The following PJA2 variants were observed in gnomAD, a reference collection of about 807,000 sequenced individuals.
PJA2 encodes the protein praja ring finger ubiquitin ligase 2.
A neutral mutation model predicts 69.3 loss-of-function variants in PJA2; 25 were observed. The observed-to-expected ratio is 0.36, with a 90% CI of 0.26 to 0.50. PJA2 has a LOEUF of 0.50. PJA2 is among the 20% of genes least tolerant of loss of function. The probability of loss-of-function intolerance (pLI) is 0.96; values close to 1 mark genes in which losing one functional copy is unlikely to be tolerated. For missense variants in PJA2, 809 were observed against 830.2 expected, an observed-to-expected ratio of 0.97 and a Z score of 0.31; for synonymous variants, 308 against 277.8, an observed-to-expected ratio of 1.11 and a Z score of -1.08.
chr5:109,383,204 T>C (rs1368212625), intron 2 of PJA2, among the ~76,000 whole-genome samples, 199 bp downstream of exon 2: 1 of 152,100 alleles, frequency 6.6e-6, no homozygotes, highest in East Asian at 1.9e-4. Context: ...GCTAAATGGG[T>C]ATGGAAAGAA....
chr5:109,395,047 C>T (rs1161088704), intron 1 of PJA2, among the ~76,000 whole-genome samples: 1 of 152,108 alleles, frequency 6.6e-6, no homozygotes, highest in Non-Finnish European at 1.5e-5. Context: ...ATTGTTAAGT[C>T]TTAGGGAGCA....
chr5:109,367,143 A>AAAAAAT (rs1252162401), intron 5 of PJA2, among the ~76,000 whole-genome samples: 6 of 143,202 alleles, frequency 4.2e-5, no homozygotes, highest in South Asian at 4.3e-4. Flanking sequence ...CAAAAAAAAA[A>AAAAAAT]ATATATATAT....
chr5:109,354,078 GATTA>G (rs1762344576), intron 7 of PJA2, among the ~76,000 whole-genome samples: 3 of 123,100 alleles, frequency 2.4e-5, no homozygotes, highest in Non-Finnish European at 5.1e-5. Flanking sequence ...GATATCTATA[GATTA>G]GATATCTATA....
At chr5:109,346,768 G>C (rs973886273) in intron 7 of PJA2, among the ~76,000 whole-genome samples, 1 of 152,100 alleles carries the variant, frequency 6.6e-6, no homozygotes, top group African/African-American at 2.4e-5. Context: ...GGAAAATGGG[G>C]AGTTACTGTT....
At chr5:109,354,477 ATAGATTAGATAT>A (rs1762369022) in intron 7 of PJA2, among the ~76,000 whole-genome samples, 1 of 90,692 alleles carries the variant, frequency 1.1e-5, no homozygotes. Flanking sequence ...AGAGATATCT[ATAGATTAGATAT>A]CTATAATATC....
intron 1 of PJA2, among the ~76,000 whole-genome samples, chr5:109,388,115 G>T (rs1747199841): frequency 6.6e-6 from 1 of 152,108 alleles, no homozygotes; most frequent in Admixed American, 6.6e-5. Context: ...TGCAAGAATA[G>T]GGTAATAAAA....
At chr5:109,345,432 G>A (rs369816170) in intron 7 of PJA2, among the ~76,000 whole-genome samples, 32 of 142,880 alleles carry the variant, frequency 2.2e-4, no homozygotes, top group African/African-American at 7.2e-4. Flanking sequence ...CAGGAGAATC[G>A]CTTGATCCTG....
chr5:109,355,902 G>C lies in PJA2; in HGVS notation c.1764+13C>G. 6 of 1,575,094 alleles carry C rather than the reference G, an allele frequency of 3.8e-6. No individual in the cohort carries two copies. Among genetic ancestry groups the C allele is most frequent in the Non-Finnish European group, 5.2e-6 (6 of 1,146,946 alleles). On this transcript the variant is annotated intron_variant, in intron 7 of 9. Transcript: ENST00000361189. ...CATCAACTTATATATGGAGATCAGA[G>C]TTATGAACATACCTCCATAGCCTGG...
chr5:109,370,093 C>T (rs1762652370), intron 4 of PJA2, among the ~76,000 whole-genome samples: 1 of 147,438 alleles, frequency 6.8e-6, no homozygotes, highest in Non-Finnish European at 1.5e-5. Context: ...ATTTAGCCAA[C>T]TTGGTTACAA....
chr5:109,341,600 G>A (rs1187490720), intron 9 of PJA2, among the ~76,000 whole-genome samples: 1 of 128,044 alleles, frequency 7.8e-6, no homozygotes, highest in Non-Finnish European at 1.7e-5. Context: ...GGAGGGAGGT[G>A]GGGGGGTCAG....
At chr5:109,364,244 A>T (rs1359614947) in intron 5 of PJA2, among the ~76,000 whole-genome samples, 1 of 152,196 alleles carries the variant, frequency 6.6e-6, no homozygotes, top group African/African-American at 2.4e-5. Flanking sequence ...AACTTTAGCT[A>T]TACTTTTTTG....
chr5:109,358,060 C>T (rs1333615992), intron 6 of PJA2, among the ~76,000 whole-genome samples: 1 of 152,192 alleles, frequency 6.6e-6, no homozygotes, highest in East Asian at 1.9e-4. Context: ...ACAGGCCCTC[C>T]CAAAATCTGG....
At chr5:109,385,346 G>C (rs1747132718) in intron 1 of PJA2, among the ~76,000 whole-genome samples, 1 of 152,110 alleles carries the variant, frequency 6.6e-6, no homozygotes, top group Non-Finnish European at 1.5e-5. Context: ...CCAGATTCTG[G>C]ACATATTGTA....
chr5:109,347,510 G>A lies in PJA2; in HGVS notation c.1765-2691C>T, dbSNP rs78432126. Among the ~76,000 whole-genome samples, 86 of 152,342 alleles carry A rather than the reference G, an allele frequency of 5.6e-4. 1 individual carries two copies. The East Asian group carries it at 0.015, about 27-fold the overall frequency. Reference sequence around the variant, plus strand: ...CCAGTAACTGGTAATTACAGGACAAGGTTGCCAGCAGCTTCTCCTTGTACT... The same window carrying A: ...CCAGTAACTGGTAATTACAGGACAAAGTTGCCAGCAGCTTCTCCTTGTACT... On this transcript the variant is annotated intron_variant, in intron 7 of 9. Transcript: ENST00000361189.
intron 4 of PJA2, among the ~76,000 whole-genome samples, chr5:109,371,773 G>T (rs1762678783): frequency 6.6e-6 from 1 of 152,082 alleles, no homozygotes. Context: ...CACAATTTTT[G>T]CTGCAGTTGC....
intron 6 of PJA2, among the ~76,000 whole-genome samples, chr5:109,356,339 T>A (rs958907767): frequency 6.6e-6 from 1 of 152,220 alleles, no homozygotes; most frequent in Admixed American, 6.5e-5. Flanking sequence ...AGGTACAGGT[T>A]GAGCATCCCA....
intron 7 of PJA2, among the ~76,000 whole-genome samples, chr5:109,350,571 T>C (rs1762233962): frequency 6.6e-6 from 1 of 152,204 alleles, no homozygotes. Flanking sequence ...TAAACCTATA[T>C]GAATATACTA....
In PJA2 at chr5:109,378,884, T is replaced by TA; in HGVS notation, c.602dup (p.Phe202IlefsTer2). Reference sequence around the variant, plus strand: ...CTGCCTCTCTGTTTTCCAACTCAAATACTGTATTGCCTAATGATTCCTGGT... The same window carrying TA: ...CTGCCTCTCTGTTTTCCAACTCAAATAACTGTATTGCCTAATGATTCCTGGT... On this transcript the variant is annotated frameshift_variant, in exon 4 of 10. Coordinates refer to ENST00000361189, the MANE Select transcript of PJA2 (RefSeq NM_014819.5). LOFTEE classifies it high-confidence loss of function. 6.2e-7 allele frequency: 1 copy of TA among 1,614,138 alleles called. No homozygotes were observed. Among genetic ancestry groups the TA allele is most frequent in the Non-Finnish European group, 8.5e-7 (1 of 1,180,022 alleles).
At chr5:109,374,106 G>A (rs1762720126) in intron 4 of PJA2, among the ~76,000 whole-genome samples, 1 of 152,188 alleles carries the variant, frequency 6.6e-6, no homozygotes. Context: ...ACAGTGATAT[G>A]AATGGATTAT....
Sources: allele counts gnomAD v4.1 joint callset (sites outside exome capture counted in the v4.1 genomes callset), GRCh38; gene constraint gnomAD v4.1.1; transcripts MANE v1.5; gene names NCBI Gene and HGNC (gene_info 2026-07-23, HGNC 2026-07-21).